Variants in TLL1 observed in about 807,000 individuals in gnomAD.
The protein encoded by TLL1 is tolloid like 1, also known as tolloid-like protein 1.
TLL1 carries 49 observed loss-of-function variants against 128.2 expected under a neutral mutation model. That is an observed-to-expected ratio of 0.38 (90% CI 0.30 to 0.48). The LOEUF is 0.48. Among genes scored for constraint, TLL1 ranks in the 20% least tolerant of loss-of-function variants. The pLI, the probability that TLL1 is intolerant of heterozygous loss-of-function variation, is 0.96. For missense variants in TLL1, 1,123 were observed against 1,242.0 expected, an observed-to-expected ratio of 0.90 and a Z score of 1.44; for synonymous variants, 454 against 418.8, an observed-to-expected ratio of 1.08 and a Z score of -1.03.
intron 1 of TLL1, among the ~76,000 whole-genome samples, chr4:165,954,066 T>G (rs1282027148): frequency 6.6e-6 from 1 of 152,180 alleles, no homozygotes; most frequent in East Asian, 1.9e-4. Flanking sequence ...AGATTTACTT[T>G]TATTATGTCT....
intron 18 of TLL1, among the ~76,000 whole-genome samples, chr4:166,082,673 G>C (rs914962828): frequency 1.3e-5 from 2 of 151,710 alleles, no homozygotes; most frequent in Admixed American, 6.6e-5. Flanking sequence ...TTTTGTTTTT[G>C]TTTTGTTTCG....
At chr4:166,086,349 T>G (rs1741514358) in intron 18 of TLL1, among the ~76,000 whole-genome samples, 1 of 152,116 alleles carries the variant, frequency 6.6e-6, no homozygotes, top group Admixed American at 6.6e-5. Flanking sequence ...TCCCAAAACC[T>G]CATGGCTTAA....
intron 1 of TLL1, among the ~76,000 whole-genome samples, chr4:165,906,624 G>A (rs1202345525): frequency 1.3e-5 from 2 of 152,138 alleles, no homozygotes; most frequent in African/African-American, 4.8e-5. Context: ...TATAAGAAAG[G>A]AGATAAGATA....
chr4:166,060,688 T>C (rs1438775606), intron 15 of TLL1, among the ~76,000 whole-genome samples: 1 of 152,182 alleles, frequency 6.6e-6, no homozygotes, highest in East Asian at 1.9e-4. Flanking sequence ...TTTAAAGCTA[T>C]CCTTTTTTAA....
intron 1 of TLL1, among the ~76,000 whole-genome samples, chr4:165,954,381 T>C (rs1348535310): frequency 6.6e-6 from 1 of 152,100 alleles, no homozygotes; most frequent in Non-Finnish European, 1.5e-5. Context: ...ATTGATGGGC[T>C]TATAAAAAGA....
chr4:166,101,160 T>C lies in TLL1; in HGVS notation c.*284T>C, dbSNP rs896140557. On this transcript the variant is annotated 3_prime_UTR_variant, in exon 21 of 21. Coordinates refer to ENST00000061240, the MANE Select transcript of TLL1 (RefSeq NM_012464.5). Reference sequence around the variant, plus strand: ...ACAAGCTTTTGTTCACAGCTTGAAATAGATGCCTCACAATTCAGACAGTTT... The same window carrying C: ...ACAAGCTTTTGTTCACAGCTTGAAACAGATGCCTCACAATTCAGACAGTTT... 1 of 384,702 alleles carries C rather than the reference T, an allele frequency of 2.6e-6. No individual in the cohort carries two copies. The highest frequency in any genetic ancestry group is 2.1e-5 in the African/African-American group (1 of 48,446). 23.8% of individuals were successfully genotyped at this position (384,702 alleles called of 1,614,324 possible).
At chr4:166,075,099 T>TGATA in intron 17 of TLL1, 96 bp downstream of exon 17, 2 of 1,546,294 alleles carry the variant, frequency 1.3e-6, no homozygotes, top group Non-Finnish European at 1.8e-6. Context: ...TTTCAATGAG[T>TGATA]GATATCATGG....
intron 9 of TLL1, among the ~76,000 whole-genome samples, chr4:166,034,241 A>T (rs550562297): frequency 6.6e-6 from 1 of 152,304 alleles, no homozygotes; most frequent in Admixed American, 6.5e-5. Context: ...AGATCCATGC[A>T]TGACTGAAGA....
rs539338289 is a variant in TLL1, at chr4:166,072,199, A to G, written c.2189-2679A>G. ...CTCATAAGTATATTCTAGCCGCCTA[A>G]CAGATAACTTTTCATTTTCATGCAC... is the stretch of plus-strand genomic sequence containing the variant. On this transcript the variant is annotated intron_variant, in intron 16 of 20. Transcript: ENST00000061240. Among the ~76,000 whole-genome samples, 22 of 152,154 alleles carry G rather than the reference A, an allele frequency of 1.4e-4. No homozygotes were observed. The South Asian group carries it at 1.4e-3, about 10-fold the overall frequency.
chr4:165,934,155 C>T (rs928716442), intron 1 of TLL1, among the ~76,000 whole-genome samples: 6 of 150,722 alleles, frequency 4.0e-5, no homozygotes, highest in African/African-American at 7.3e-5. Flanking sequence ...CCTGCCACCA[C>T]GCCCAGCTAA....
intron 1 of TLL1, among the ~76,000 whole-genome samples, chr4:165,918,367 T>C (rs939435792): frequency 2.6e-5 from 4 of 152,116 alleles, no homozygotes; most frequent in African/African-American, 9.7e-5. Flanking sequence ...TTGAGCTCAT[T>C]TGGAATTTCA....
chr4:165,998,219 G>A (rs1307649863), intron 5 of TLL1, among the ~76,000 whole-genome samples: 1 of 152,062 alleles, frequency 6.6e-6, no homozygotes, highest in Non-Finnish European at 1.5e-5. Flanking sequence ...TTATGATAGA[G>A]ATTGATTTCA....
chr4:166,006,734 G>A (rs1737452156), intron 6 of TLL1, among the ~76,000 whole-genome samples: 1 of 151,682 alleles, frequency 6.6e-6, no homozygotes, highest in Admixed American at 6.6e-5. Flanking sequence ...GGTCTGGTTA[G>A]TTAATTTTAA....
intron 8 of TLL1, among the ~76,000 whole-genome samples, chr4:166,016,164 A>T (rs1296569262): frequency 6.6e-6 from 1 of 152,060 alleles, no homozygotes; most frequent in Non-Finnish European, 1.5e-5. Context: ...TGTATGTAAG[A>T]TACACATGTA....
At chr4:166,012,750 T>C (rs1579622413) in intron 7 of TLL1, among the ~76,000 whole-genome samples, 1 of 151,746 alleles carries the variant, frequency 6.6e-6, no homozygotes, top group Non-Finnish European at 1.5e-5. Context: ...CTTTTGATGG[T>C]CAATTCCCGT....
chr4:165,912,061 G>T (rs1391730663), intron 1 of TLL1, among the ~76,000 whole-genome samples: 1 of 152,098 alleles, frequency 6.6e-6, no homozygotes, highest in Non-Finnish European at 1.5e-5. Flanking sequence ...ATTTTTAGTA[G>T]AGACGAGGTT....
At chr4:165,936,206 A>ATTTTTTTTTTT (rs199985086) in intron 1 of TLL1, among the ~76,000 whole-genome samples, 5 of 139,600 alleles carry the variant, frequency 3.6e-5, no homozygotes, top group East Asian at 2.1e-4. Context: ...ATATATATAT[A>ATTTTTTTTTTT]TTTTTTTTTC....
At chr4:166,082,533 A>G (rs1337466414) in intron 18 of TLL1, among the ~76,000 whole-genome samples, 2 of 151,768 alleles carry the variant, frequency 1.3e-5, no homozygotes, top group Non-Finnish European at 2.9e-5. Context: ...ACAATACTTT[A>G]TAATAACAGT....
intron 8 of TLL1, among the ~76,000 whole-genome samples, chr4:166,021,875 G>T (rs1340192970): frequency 3.9e-5 from 6 of 152,016 alleles, no homozygotes; most frequent in African/African-American, 1.5e-4. Flanking sequence ...TATGCTGCTT[G>T]TTGTCCGGGC....
Sources: allele counts gnomAD v4.1 joint callset (sites outside exome capture counted in the v4.1 genomes callset), GRCh38; gene constraint gnomAD v4.1.1; transcripts MANE v1.5; gene names NCBI Gene and HGNC (gene_info 2026-07-23, HGNC 2026-07-21).